Variants in ACACA observed in about 807,000 individuals in gnomAD.
The protein encoded by ACACA is acetyl-CoA carboxylase alpha.
Under a neutral mutation model 296.1 loss-of-function variants are expected in ACACA, and 103 were observed. The observed-to-expected ratio is 0.35, with a 90% confidence interval of 0.30 to 0.41. The LOEUF (loss-of-function observed/expected upper bound fraction) is 0.41, where lower values mean the gene tolerates loss of function less well. Among genes scored for constraint, ACACA ranks in the 10% least tolerant of loss-of-function variants. ACACA has a pLI of 1.00. For missense variants in ACACA, 1,554 were observed against 2,989.7 expected (o/e 0.52, Z 11.20); for synonymous variants, 953 against 1,038.6 (o/e 0.92, Z 1.58).
chr17:37,101,712 C>T (rs2073369986), intron 52 of ACACA, among the ~76,000 whole-genome samples: 1 of 152,186 alleles, frequency 6.6e-6, no homozygotes, highest in South Asian at 2.1e-4. Context: ...AGTCCCAATT[C>T]CATAACTAAG....
rs996697628 is a variant in ACACA, at chr17:37,359,496, G to C, written c.39-19646C>G. Among the ~76,000 whole-genome samples, 34 of 152,074 alleles carry C rather than the reference G, an allele frequency of 2.2e-4. 1 individual carries two copies. Among genetic ancestry groups the C allele is most frequent in the Admixed American group, 2.2e-3 (34 of 15,264 alleles). ...TTCGCGGCCCCTTCTGCCACAGCCGGGTACGGGGCCAACCCCTCGGCTCCT... is the reference window on the plus strand; with the variant it reads ...TTCGCGGCCCCTTCTGCCACAGCCGCGTACGGGGCCAACCCCTCGGCTCCT... On this transcript the variant is annotated intron_variant, in intron 1 of 55. Coordinates refer to ENST00000616317, the MANE Select transcript of ACACA (RefSeq NM_198834.3).
intron 8 of ACACA, among the ~76,000 whole-genome samples, chr17:37,275,509 A>G (rs886761297): frequency 1.3e-5 from 2 of 151,010 alleles, no homozygotes; most frequent in South Asian, 2.1e-4. Context: ...AAAAAAAAAA[A>G]AAAAGAAAAA....
chr17:37,144,741 T>A (rs917119203), intron 45 of ACACA, among the ~76,000 whole-genome samples: 1 of 152,094 alleles, frequency 6.6e-6, no homozygotes, highest in Non-Finnish European at 1.5e-5. Context: ...ACCCATCACA[T>A]AACTTCTTTT....
intron 46 of ACACA, 148 bp downstream of exon 46, chr17:37,129,927 G>A (rs2075008297): frequency 8.3e-7 from 1 of 1,210,670 alleles, no homozygotes; most frequent in East Asian, 2.4e-5. Flanking sequence ...ATGGCTGTAA[G>A]GAAAAGAGAA....
chr17:37,402,292 A>G (rs547683222), intron 1 of ACACA, among the ~76,000 whole-genome samples: 1 of 152,218 alleles, frequency 6.6e-6, no homozygotes, highest in Middle Eastern at 3.4e-3. Context: ...AAGTGTTCCT[A>G]AGGAAGTGAT....
intron 3 of ACACA, among the ~76,000 whole-genome samples, chr17:37,311,087 G>A (rs2084115368): frequency 6.6e-6 from 1 of 152,202 alleles, no homozygotes; most frequent in Admixed American, 6.6e-5. Context: ...TAGCAATACA[G>A]TAGTCATTAG....
chr17:37,383,632 C>A (rs1257952454), intron 1 of ACACA, among the ~76,000 whole-genome samples: 1 of 152,196 alleles, frequency 6.6e-6, no homozygotes, highest in African/African-American at 2.4e-5. Context: ...ACTGCAACCT[C>A]CGCCTCCCAG....
chr17:37,365,858 A>G, intron 1 of ACACA: 3 of 413,492 alleles, frequency 7.3e-6, no homozygotes, highest in Non-Finnish European at 9.8e-6. Context: ...TTCTGCTCTC[A>G]CTCCTTCCTT....
intron 35 of ACACA, among the ~76,000 whole-genome samples, chr17:37,195,839 C>T (rs1351208987): frequency 6.6e-6 from 1 of 152,094 alleles, no homozygotes; most frequent in African/African-American, 2.4e-5. Flanking sequence ...ATGCTTATTC[C>T]ATCATCAATG....
intron 25 of ACACA, among the ~76,000 whole-genome samples, chr17:37,230,391 T>TAAAA (rs1242635369): frequency 0.011 from 43 of 3,986 alleles, no homozygotes; most frequent in African/African-American, 0.05. Context: ...TCTCAAAAAA[T>TAAAA]AAATAAATAA....
chr17:37,097,463 C>T lies in ACACA; in HGVS notation c.6721-297G>A, dbSNP rs2073062852. ...CCAGATAACCAGACAAGGATAAATT[C>T]GTTTTGAGAAGATGGATCAAACAAC... On this transcript the variant is annotated intron_variant, in intron 53 of 55. Coordinates refer to ENST00000616317, the MANE Select transcript of ACACA (RefSeq NM_198834.3). The surrounding 1 kb of genome is among the most constrained non-coding windows in gnomAD (Gnocchi z 4.8). Among the ~76,000 whole-genome samples the T allele has an allele frequency of 6.6e-6, 1 of 152,146 alleles. No individual in the cohort carries two copies. The highest frequency in any genetic ancestry group is 2.4e-5 in the African/African-American group (1 of 41,432).
In ACACA at chr17:37,210,751, CAAAAAAA is replaced by C. The variant is rs57591064; in HGVS notation, c.3684-268_3684-262del. ...TGGATTTTAAAAATAGCTCTATTAC[CAAAAAAA>C]AAAAAAAAAAAAAAAAAAATTTAGA... is the stretch of plus-strand genomic sequence containing the variant. On this transcript the variant is annotated intron_variant, in intron 29 of 55. Coordinates refer to ENST00000616317, the MANE Select transcript of ACACA (RefSeq NM_198834.3). 2.3e-3 allele frequency among the ~76,000 whole-genome samples: 164 copies of C among 72,410 alleles called. 1 individual carries two copies. The South Asian group carries it at 0.027, about 12-fold the overall frequency. The allele number at this position is 72,410 out of a possible 152,430, so 47.5% of individuals were successfully genotyped here.
intron 8 of ACACA, among the ~76,000 whole-genome samples, chr17:37,275,225 C>T (rs763850779): frequency 6.6e-6 from 1 of 152,078 alleles, no homozygotes; most frequent in Non-Finnish European, 1.5e-5. Flanking sequence ...GCGCCAGGCG[C>T]GGTGGCTCAT....
Position 37,132,751 on chromosome 17 carries a change from G to GA in ACACA, c.5680-2534dup, listed in dbSNP as rs575284305. Among the ~76,000 whole-genome samples the GA allele has an allele frequency of 1.2e-4, 19 of 152,126 alleles. No homozygotes were observed. In the East Asian group the frequency reaches 3.7e-3, roughly 29 times the overall value. ...TTACACATCTCCAAAACTAATAATG[G>GA]ACCAATGAAGAACTACACTCAGAAA... On this transcript the variant is annotated intron_variant, in intron 45 of 55. Transcript: ENST00000616317.
At chr17:37,104,485 C>T (rs2106772) in intron 52 of ACACA, among the ~76,000 whole-genome samples, 36,472 of 152,136 alleles carry the variant, frequency 0.24, 5,186 homozygotes, top group African/African-American at 0.37. Context: ...AGCTAGGCAA[C>T]AGTGGAGTTG....
intron 10 of ACACA, among the ~76,000 whole-genome samples, chr17:37,264,879 G>A (rs2081681449): frequency 6.6e-6 from 1 of 152,110 alleles, no homozygotes; most frequent in African/African-American, 2.4e-5. Flanking sequence ...GTTCTCATCT[G>A]GGCAGTTCTT....
chr17:37,170,175 G>T (rs889129396), intron 41 of ACACA, among the ~76,000 whole-genome samples: 2 of 152,062 alleles, frequency 1.3e-5, no homozygotes, highest in African/African-American at 4.8e-5. Context: ...GTGAAAAAGG[G>T]AAGAGGATGA....
chr17:37,360,251 C>G (rs1247530483), intron 1 of ACACA: 1 of 152,110 alleles, frequency 6.6e-6, no homozygotes, highest in Non-Finnish European at 1.5e-5. Flanking sequence ...ATGCAGCGCA[C>G]CTTCTTAATG....
intron 24 of ACACA, among the ~76,000 whole-genome samples, chr17:37,236,640 C>T (rs1194837811): frequency 1.3e-5 from 2 of 152,132 alleles, no homozygotes; most frequent in South Asian, 4.1e-4. Context: ...GGCTGGCCAA[C>T]AGGGTGAAAC....
Sources: gnomAD v4.1 joint callset for allele counts (sites outside exome capture counted in the v4.1 genomes callset) on GRCh38, gnomAD v4.1.1 for gene constraint, Gnocchi (gnomAD v3.1) non-coding constraint, MANE v1.5 for transcripts, NCBI Gene and HGNC (gene_info 2026-07-23, HGNC 2026-07-21) for gene names.